Variants in ACO1 observed in about 807,000 individuals in gnomAD.
ACO1 encodes aconitase 1, also known as cytoplasmic aconitate hydratase.
In ACO1, 78 loss-of-function variants were observed where a neutral mutation model predicts 105.1. The observed-to-expected ratio is 0.74, with a 90% confidence interval of 0.62 to 0.90. The LOEUF (loss-of-function observed/expected upper bound fraction) is 0.90, where lower values mean the gene tolerates loss of function less well. Ranked by LOEUF, ACO1 falls within the 40% of genes least tolerant of loss-of-function variation. The pLI is 0.00. For synonymous variants in ACO1, 364 were observed against 397.4 expected (o/e 0.92, Z 1.00); for missense variants, 965 against 1,111.1 (o/e 0.87, Z 1.87).
chr9:32,388,842 A>G (rs893193795), intron 1 of ACO1, among the ~76,000 whole-genome samples: 2 of 152,208 alleles, frequency 1.3e-5, no homozygotes, highest in African/African-American at 2.4e-5. Flanking sequence ...CAACATAGTA[A>G]ACCTAAAATC....
chr9:32,422,512 A>T (rs1391662678), intron 8 of ACO1, among the ~76,000 whole-genome samples: 2 of 152,208 alleles, frequency 1.3e-5, no homozygotes, highest in Admixed American at 1.3e-4. Context: ...CAGCCAAAGG[A>T]TCAAACCTTC....
intron 2 of ACO1, among the ~76,000 whole-genome samples, chr9:32,406,566 T>C (rs1318618321): frequency 6.6e-6 from 1 of 152,138 alleles, no homozygotes; most frequent in African/African-American, 2.4e-5. Flanking sequence ...AAGGCTGCAA[T>C]GAACTGTGAT....
chr9:32,411,919 C>A (rs987412745), intron 4 of ACO1, among the ~76,000 whole-genome samples: 1 of 151,836 alleles, frequency 6.6e-6, no homozygotes, highest in Non-Finnish European at 1.5e-5. Flanking sequence ...CACTCTGTTC[C>A]CTAGACCGGG....
Position 32,417,033 on chromosome 9 carries a change from G to A in ACO1, c.405-1095G>A, listed in dbSNP as rs189262788. On this transcript the variant is annotated intron_variant, in intron 4 of 20. Coordinates refer to ENST00000309951, the MANE Select transcript of ACO1 (RefSeq NM_002197.3). Reference sequence around the variant, plus strand: ...TGCCACAGTCGCTGTTAACTATGACGGGAAGTCCATGTGGTATAGGGATTA... The same window carrying A: ...TGCCACAGTCGCTGTTAACTATGACAGGAAGTCCATGTGGTATAGGGATTA... Among the ~76,000 whole-genome samples the A allele has an allele frequency of 7.9e-5, 12 of 152,252 alleles. No individual in the cohort carries two copies. In the East Asian group the frequency reaches 1.4e-3, roughly 17 times the overall value.
intron 18 of ACO1, among the ~76,000 whole-genome samples, chr9:32,438,485 A>G (rs1200190601): frequency 6.6e-6 from 1 of 152,216 alleles, no homozygotes; most frequent in African/African-American, 2.4e-5. Flanking sequence ...AACGGGACTG[A>G]GAGCTCCAGG....
Position 32,434,661 on chromosome 9 carries a change from G to A in ACO1, c.2059G>A (p.Ala687Thr). ...TDHISPAGNI[A>T]RNSPAARYLT... is the part of the protein sequence containing the mutation. ...CCACATCTCCCCAGCTGGAAATATT[G>A]CAAGAAACAGTCCTGCTGCTCGCTA... Residue 687 changes from alanine (A) to threonine (T), a missense_variant, in exon 17 of 21, where the codon GCA becomes ACA. By Grantham distance (58) the Ala-to-Thr change is moderately conservative. Transcript: ENST00000309951. The A allele has an allele frequency of 1.2e-6, 2 of 1,614,106 alleles. No individual in the cohort carries two copies. Among genetic ancestry groups the A allele is most frequent in the Non-Finnish European group, 1.7e-6 (2 of 1,179,968 alleles).
Position 32,453,828 on chromosome 9 carries a change from A to T in ACO1, c.*3717A>T, listed in dbSNP as rs1822821609. 6.6e-6 allele frequency: 1 copy of T among 152,200 alleles called. No individual in the cohort carries two copies. The highest frequency in any genetic ancestry group is 6.5e-5 in the Admixed American group (1 of 15,276). The allele number at this position is 152,200 out of a possible 1,614,324, so 9.4% of individuals were successfully genotyped here. On this transcript the variant is annotated 3_prime_UTR_variant, in exon 21 of 21. Coordinates refer to ENST00000309951, the MANE Select transcript of ACO1 (RefSeq NM_002197.3). ...ATATCATAAACACAAGTGGAATTTA[A>T]CACCCAGCCAGTTTGTGTTCAACCA...
At chr9:32,386,252 G>A (rs1277966982) in intron 1 of ACO1, 2 of 152,218 alleles carry the variant, frequency 1.3e-5, no homozygotes, top group Admixed American at 1.3e-4. Context: ...GAACAAGGAG[G>A]CATGCTTTTG....
chr9:32,420,881 G>A lies in ACO1; in HGVS notation c.824G>A (p.Gly275Asp). The change falls in exon 8 of 21, where the codon GGC becomes GAC. Residue 275 changes from glycine (G) to aspartate (D), a missense_variant. By Grantham distance (94) the Gly-to-Asp change is moderately conservative. Transcript: ENST00000309951. ...TKHLRQVGVVGKFVEFFGPGV... is the reference protein window; with the variant it reads ...TKHLRQVGVVDKFVEFFGPGV... ...CACCTCCGCCAGGTTGGGGTAGTGG[G>A]CAAATTTGTCGAGTTCTTCGGGCCT... 1 of 1,613,826 alleles carries A rather than the reference G, an allele frequency of 6.2e-7. No individual in the cohort carries two copies. The highest frequency in any genetic ancestry group is 8.5e-7 in the Non-Finnish European group (1 of 1,179,788).
Position 32,452,250 on chromosome 9 carries a change from T to C in ACO1, c.*2139T>C, listed in dbSNP as rs1012895350. 1.3e-5 allele frequency: 2 copies of C among 152,234 alleles called. No homozygotes were observed. Among genetic ancestry groups the C allele is most frequent in the African/African-American group, 4.8e-5 (2 of 41,460 alleles). The allele number at this position is 152,234 out of a possible 1,614,324, so 9.4% of individuals were successfully genotyped here. ...CGCTCCCCGCATTCAGTGGCTCCTG[T>C]GGTCTGTATTTTTGTATCCTCCCCA... On this transcript the variant is annotated 3_prime_UTR_variant, in exon 21 of 21. Transcript: ENST00000309951.
At chr9:32,433,289 A>G (rs1173945416) in intron 15 of ACO1, among the ~76,000 whole-genome samples, 1 of 152,152 alleles carries the variant, frequency 6.6e-6, no homozygotes, top group East Asian at 1.9e-4. Context: ...GCTGGAGTGC[A>G]GTAGTGTCAT....
Position 32,447,676 on chromosome 9 carries a change from G to T in ACO1, c.2371-1220G>T, listed in dbSNP as rs193103903. Among the ~76,000 whole-genome samples, 337 of 152,336 alleles carry T rather than the reference G, an allele frequency of 2.2e-3. 2 individuals are homozygous for T. Among genetic ancestry groups the T allele is most frequent in the Non-Finnish European group, 3.0e-3 (202 of 68,036 alleles). ...GGTTTTCGGAATGTTCAGCGTTTTT[G>T]TGCTGGTTTCTCCCCATCTTTGTGG... On this transcript the variant is annotated intron_variant, in intron 19 of 20. Transcript: ENST00000309951.
At chr9:32,447,393 G>T (rs892656461) in intron 19 of ACO1, among the ~76,000 whole-genome samples, 1 of 151,786 alleles carries the variant, frequency 6.6e-6, no homozygotes, top group Non-Finnish European at 1.5e-5. Context: ...CGAAGTTCTC[G>T]TGCTGTGTTT....
chr9:32,442,865 A>G (rs1423545765), intron 19 of ACO1, among the ~76,000 whole-genome samples: 1 of 152,206 alleles, frequency 6.6e-6, no homozygotes, highest in Non-Finnish European at 1.5e-5. Context: ...AAGGGCATCT[A>G]CATCCCCGGG....
Position 32,384,706 on chromosome 9 carries a change from G to A in ACO1, c.-52G>A, listed in dbSNP as rs780388412. The A allele has an allele frequency of 5.3e-5, 22 of 413,542 alleles. No homozygotes were observed. Among genetic ancestry groups the A allele is most frequent in the Non-Finnish European group, 9.1e-5 (19 of 208,138 alleles). The allele number at this position is 413,542 out of a possible 1,614,324, so 25.6% of individuals were successfully genotyped here. On this transcript the variant is annotated 5_prime_UTR_variant, in exon 1 of 21. Coordinates refer to ENST00000309951, the MANE Select transcript of ACO1 (RefSeq NM_002197.3). ...TCCCGCTGCTTGGGTCAGGTTCGCC[G>A]GTCGCGGGAGCCCCGCCGTGCAGTC... is the stretch of plus-strand genomic sequence containing the variant.
At position 32,400,399 on chromosome 9, in the gene ACO1, C is replaced by G. The variant is rs575913635; in HGVS notation, c.-22-5086C>G. 1.3e-4 allele frequency among the ~76,000 whole-genome samples: 20 copies of G among 152,180 alleles called. No homozygotes were observed. In the South Asian group the frequency reaches 3.9e-3, roughly 30 times the overall value. ...GATGGGGTGGGAAGGGAGGGCCCCC[C>G]TTGGATTAGTGTGTTTGACTTGAAT... On this transcript the variant is annotated intron_variant, in intron 1 of 20. Coordinates refer to ENST00000309951, the MANE Select transcript of ACO1 (RefSeq NM_002197.3).
chr9:32,437,741 TAGAG>T, intron 18 of ACO1, among the ~76,000 whole-genome samples: 1 of 152,114 alleles, frequency 6.6e-6, no homozygotes, highest in Non-Finnish European at 1.5e-5. Context: ...ATTATATACT[TAGAG>T]AAGAGTTCAT....
intron 1 of ACO1, among the ~76,000 whole-genome samples, chr9:32,395,562 T>G (rs1329695348): frequency 6.6e-6 from 1 of 152,132 alleles, no homozygotes; most frequent in Non-Finnish European, 1.5e-5. Flanking sequence ...ACCACACTGG[T>G]GACCATAGGG....
chr9:32,426,790 A>G (rs1208214539), intron 11 of ACO1, among the ~76,000 whole-genome samples: 1 of 152,184 alleles, frequency 6.6e-6, no homozygotes, highest in Non-Finnish European at 1.5e-5. Flanking sequence ...CCAGTGTTCC[A>G]GTAGCAGTCT....
Sources: gnomAD v4.1 joint callset for allele counts (sites outside exome capture counted in the v4.1 genomes callset) on GRCh38, gnomAD v4.1.1 for gene constraint, MANE v1.5 for transcripts, NCBI Gene and HGNC (gene_info 2026-07-23, HGNC 2026-07-21) for gene names.